NECAP1: variants seen among roughly 807,000 people sequenced by gnomAD.
The protein encoded by NECAP1 is NECAP endocytosis associated 1.
In NECAP1, 13 loss-of-function variants were observed where a neutral mutation model predicts 33.4. The observed-to-expected ratio is 0.39, with a 90% CI of 0.25 to 0.62. NECAP1 has a LOEUF of 0.62. NECAP1 is among the 20% of genes least tolerant of loss of function. The pLI is 0.52. For missense variants in NECAP1, 272 were observed against 347.4 expected, an observed-to-expected ratio of 0.78 and a Z score of 1.73; for synonymous variants, 109 against 125.2, an observed-to-expected ratio of 0.87 and a Z score of 0.86.
Position 8,092,784 on chromosome 12 carries a change from G to T in NECAP1, c.492G>T (p.Gly164=), listed in dbSNP as rs376958506. 3.7e-6 allele frequency: 6 copies of T among 1,607,722 alleles called. No individual in the cohort carries two copies. The African/African-American group carries it at 6.7e-5, about 18-fold the overall frequency. ...KEGQTIKLCI[G]NITNKKGGAS... ...GACAAACCATCAAGTTGTGTATCGG[G>T]GTGAGTATGGTTTTTAAAAATTTTG... Residue 164 remains glycine, a splice_region_variant and synonymous_variant, in exon 5 of 8, where the codon GGG becomes GGT. Coordinates refer to ENST00000339754, the MANE Select transcript of NECAP1 (RefSeq NM_015509.4).
rs144600091 is a variant in NECAP1 at position 8,097,438 on chromosome 12, A to G, written c.*1348A>G. The stretch of plus-strand genomic sequence containing the variant: ...CTTATGTTTAGTTTCAAAATATATT[A>G]CTTTCCTGGATTCTCTTCTTCACTT... On this transcript the variant is annotated 3_prime_UTR_variant, in exon 8 of 8. Coordinates refer to ENST00000339754, the MANE Select transcript of NECAP1 (RefSeq NM_015509.4). 5.9e-5 allele frequency: 9 copies of G among 152,684 alleles called. No individual in the cohort carries two copies. Among genetic ancestry groups the G allele is most frequent in the Non-Finnish European group, 1.3e-4 (9 of 68,026 alleles). The allele number at this position is 152,684 out of a possible 1,614,324, so 9.5% of individuals were successfully genotyped here.
intron 6 of NECAP1, chr12:8,094,864 A>ACACAAC (rs1301949113): frequency 6.6e-6 from 1 of 152,306 alleles, no homozygotes; most frequent in Middle Eastern, 3.1e-3. Context: ...TGTCAACCTT[A>ACACAAC]CACAACCACA....
At chr12:8,091,970 A>G in intron 4 of NECAP1, 120 bp downstream of exon 4, 1 of 846,308 alleles carries the variant, frequency 1.2e-6, no homozygotes, top group Non-Finnish European at 1.9e-6. Flanking sequence ...TTTCATTGTG[A>G]ATATAAATCT....
Position 8,084,577 on chromosome 12 carries a change from T to G in NECAP1, c.95+2194T>G, listed in dbSNP as rs139893610. ...CTCCCCCGAGAGGCCCCAGTGTGTG[T>G]TGTTCCCCTCCCTGTGCCCATGCGT... is the stretch of plus-strand genomic sequence containing the variant. On this transcript the variant is annotated intron_variant, in intron 1 of 7. Transcript: ENST00000339754. Among the ~76,000 whole-genome samples the G allele has an allele frequency of 2.6e-3, 396 of 152,148 alleles. 4 individuals are homozygous for G. The highest frequency in any genetic ancestry group is 9.2e-3 in the African/African-American group (380 of 41,508).
chr12:8,092,620 G>A (rs895692315), intron 4 of NECAP1, 56 bp from the exon 5 acceptor site: 71 of 1,351,180 alleles, frequency 5.3e-5, no homozygotes, highest in Admixed American at 7.8e-5. Context: ...AAATTTGTAT[G>A]TCAGACTCTG....
Position 8,096,069 on chromosome 12 carries a change from A to C in NECAP1, c.807A>C (p.Pro269=), listed in dbSNP as rs765714142. Residue 269 remains proline, a synonymous_variant, in exon 8 of 8, where the codon CCA becomes CCC. Transcript: ENST00000339754. ...CTGTTCCAAACCAGGCACCACAGCC[A>C]TCCAACTGGGTCCAGTTCTGAATGG... The part of the protein sequence containing the change: ...SSSVPNQAPQ[P]SNWVQF The C allele has an allele frequency of 6.2e-7, 1 of 1,614,080 alleles. No homozygotes were observed. Among genetic ancestry groups the C allele is most frequent in the Non-Finnish European group, 8.5e-7 (1 of 1,180,020 alleles).
chr12:8,085,307 C>A (rs77100758), intron 1 of NECAP1, among the ~76,000 whole-genome samples: 6 of 136,694 alleles, frequency 4.4e-5, no homozygotes, highest in Admixed American at 1.5e-4. Flanking sequence ...CGTGAGCCAC[C>A]GCACCCGGCC....
Position 8,090,247 on chromosome 12 carries a change from G to A in NECAP1, c.249G>A (p.Glu83=). The A allele has an allele frequency of 6.2e-7, 1 of 1,614,190 alleles. No individual in the cohort carries two copies. The highest frequency in any genetic ancestry group is 8.5e-7 in the Non-Finnish European group (1 of 1,180,026). ...AACAATATCCTGGTATTGCTGTGGAGACGGTGACAGATTCTAGCCGCTACT... is the reference window on the plus strand; with the variant it reads ...AACAATATCCTGGTATTGCTGTGGAAACGGTGACAGATTCTAGCCGCTACT... ...PVEQYPGIAV[E]TVTDSSRYFV... Residue 83 remains glutamate (E), a synonymous_variant, in exon 3 of 8, where the codon GAG becomes GAA. Transcript: ENST00000339754.
chr12:8,089,078 A>T (rs1162642775), intron 1 of NECAP1: 1 of 152,036 alleles, frequency 6.6e-6, no homozygotes, highest in Non-Finnish European at 1.5e-5. Context: ...TATGCTGTTT[A>T]TTATGTTTCT....
intron 1 of NECAP1, among the ~76,000 whole-genome samples, chr12:8,083,489 G>C (rs1188258136): frequency 1.6e-5 from 2 of 127,950 alleles, no homozygotes; most frequent in African/African-American, 6.1e-5. Flanking sequence ...GAGCGCAATG[G>C]CTCAATCTCA....
intron 4 of NECAP1, 148 bp from the exon 5 acceptor site, chr12:8,092,528 G>T: frequency 1.7e-6 from 1 of 603,932 alleles, no homozygotes; most frequent in Non-Finnish European, 2.9e-6. Context: ...TTCTTTCTTG[G>T]CTTTTTTCCC....
At chr12:8,089,799 A>G in intron 1 of NECAP1, 137 bp from the exon 2 acceptor site, 1 of 700,362 alleles carries the variant, frequency 1.4e-6, no homozygotes, top group Non-Finnish European at 2.5e-6. Flanking sequence ...TAAATAGATC[A>G]TGAATTATTC....
In NECAP1 at chr12:8,095,619, A is replaced by G. The variant is rs1947587393; in HGVS notation, c.695A>G (p.Asp232Gly). 1 of 1,612,490 alleles carries G rather than the reference A, an allele frequency of 6.2e-7. No homozygotes were observed. Among genetic ancestry groups the G allele is most frequent in the Non-Finnish European group, 8.5e-7 (1 of 1,178,830 alleles). ...GSDADILLDL[D>G]SPAPVTTPAP... ...TGTTTAGATATCCTTTTAGATTTGG[A>G]TTCTCCTGCTCCTGTCACGACACCA... Residue 232 changes from aspartate (D) to glycine (G), a missense_variant, in exon 7 of 8, where the codon GAT becomes GGT. Physicochemically the swap from Asp to Gly is moderately conservative, Grantham distance 94. Transcript: ENST00000339754.
Position 8,082,319 on chromosome 12 carries a change from C to G in NECAP1, c.31C>G (p.Leu11Val). 4 of 1,613,514 alleles carry G rather than the reference C, an allele frequency of 2.5e-6. No homozygotes were observed. Among genetic ancestry groups the G allele is most frequent in the Non-Finnish European group, 3.4e-6 (4 of 1,179,456 alleles). The part of the protein sequence containing the change: MATELEYESV[L>V]CVKPDVSVYR... ...GACCGAGTTGGAGTACGAGTCTGTG[C>G]TGTGTGTGAAGCCAGACGTCAGCGT... is the stretch of plus-strand genomic sequence containing the variant. The change falls in exon 1 of 8, where the codon CTG becomes GTG. Residue 11 changes from leucine (L) to valine (V), a missense_variant. Physicochemically the swap from Leu to Val is conservative, Grantham distance 32. Transcript: ENST00000339754.
At chr12:8,091,732 G>C (rs1360302516) in intron 3 of NECAP1, 37 bp from the exon 4 acceptor site, 22 of 1,599,980 alleles carry the variant, frequency 1.4e-5, no homozygotes, top group Non-Finnish European at 1.9e-5. Flanking sequence ...TGCCATAGAG[G>C]ATACTTCCTA....
intron 6 of NECAP1, among the ~76,000 whole-genome samples, chr12:8,094,955 C>T (rs1237786891): frequency 6.6e-6 from 1 of 152,204 alleles, no homozygotes; most frequent in East Asian, 1.9e-4. Context: ...ATAATTTTGT[C>T]ACTTCAGGAA....
At position 8,096,168 on chromosome 12, in the gene NECAP1, G is replaced by A; in HGVS notation, c.*78G>A. 6.9e-7 allele frequency: 1 copy of A among 1,446,436 alleles called. No individual in the cohort carries two copies. Among genetic ancestry groups the A allele is most frequent in the Admixed American group, 1.8e-5 (1 of 54,342 alleles). 89.6% of individuals were successfully genotyped at this position (1,446,436 alleles called of 1,614,324 possible). On this transcript the variant is annotated 3_prime_UTR_variant, in exon 8 of 8. Transcript: ENST00000339754. ...GGGCACCAATCTGTGAGGGAAGTTA[G>A]GAACCCATTTCCTCCCCAGAACCAG...
chr12:8,092,520 C>G (rs1947559133), intron 4 of NECAP1, 156 bp from the exon 5 acceptor site: 215 of 560,940 alleles, frequency 3.8e-4, no homozygotes, highest in Middle Eastern at 4.8e-4. Flanking sequence ...CAGTTGTTTT[C>G]TTTCTTGGCT....
chr12:8,096,031 C>T lies in NECAP1; in HGVS notation c.780-11C>T. On this transcript the variant is annotated splice_polypyrimidine_tract_variant and intron_variant, in intron 7 of 7. Coordinates refer to ENST00000339754, the MANE Select transcript of NECAP1 (RefSeq NM_015509.4). ...TATGTCTCTGGCTTTCTCTGTTCTC[C>T]TGTCTTGCAGCTCTGTTCCAAACCA... is the stretch of plus-strand genomic sequence containing the variant. 3 of 1,614,028 alleles carry T rather than the reference C, an allele frequency of 1.9e-6. No homozygotes were observed. The highest frequency in any genetic ancestry group is 2.5e-6 in the Non-Finnish European group (3 of 1,179,930).
Sources: allele counts gnomAD v4.1 joint callset (sites outside exome capture counted in the v4.1 genomes callset), GRCh38; gene constraint gnomAD v4.1.1; transcripts MANE v1.5; gene names NCBI Gene and HGNC (gene_info 2026-07-23, HGNC 2026-07-21).